SNX24: variants seen among roughly 807,000 people sequenced by gnomAD.
SNX24 encodes the protein sorting nexin 24.
In SNX24, 22 loss-of-function variants were observed where a neutral mutation model predicts 28.7. The ratio of observed to expected loss-of-function variants is 0.77; its 90% CI spans 0.55 to 1.10. SNX24 has a LOEUF of 1.10. Among genes scored for constraint, SNX24 ranks in the 50% least tolerant of loss-of-function variants. The probability of loss-of-function intolerance (pLI) is 0.00; values close to 1 mark genes in which losing one functional copy is unlikely to be tolerated. For synonymous variants in SNX24, 69 were observed against 71.5 expected (o/e 0.96, Z 0.18); for missense variants, 221 against 201.1 (o/e 1.10, Z -0.60).
At chr5:122,878,255 T>C (rs1319734064) in intron 1 of SNX24, among the ~76,000 whole-genome samples, 1 of 152,112 alleles carries the variant, frequency 6.6e-6, no homozygotes, top group Non-Finnish European at 1.5e-5. Flanking sequence ...GGTGCTCAGC[T>C]CAATGGAGGC....
At chr5:122,937,109 A>C (rs979809882) in intron 2 of SNX24, among the ~76,000 whole-genome samples, 1 of 152,168 alleles carries the variant, frequency 6.6e-6, no homozygotes, top group Non-Finnish European at 1.5e-5. Context: ...TAAAACCCAG[A>C]CTCTGTTTTA....
chr5:122,927,571 A>G (rs900804534), intron 1 of SNX24, among the ~76,000 whole-genome samples: 14 of 152,184 alleles, frequency 9.2e-5, no homozygotes, highest in Admixed American at 4.6e-4. Flanking sequence ...TCTAGAAGGT[A>G]TAGTGTAAGA....
chr5:122,901,592 G>C (rs765732141), intron 1 of SNX24, among the ~76,000 whole-genome samples: 2 of 152,184 alleles, frequency 1.3e-5, no homozygotes, highest in Non-Finnish European at 2.9e-5. Flanking sequence ...TGCTCCCTTT[G>C]TTCCATATGC....
intron 3 of SNX24, among the ~76,000 whole-genome samples, chr5:122,959,832 G>A (rs1419143306): frequency 2.0e-5 from 3 of 152,040 alleles, no homozygotes; most frequent in Non-Finnish European, 2.9e-5. Context: ...TAGGAGCAGA[G>A]GTTTTGATAG....
At chr5:122,868,547 A>G (rs1177750529) in intron 1 of SNX24, among the ~76,000 whole-genome samples, 1 of 152,188 alleles carries the variant, frequency 6.6e-6, no homozygotes, top group Non-Finnish European at 1.5e-5. Flanking sequence ...CGTATCTGCC[A>G]CGGATACTTC....
rs371657794 is a variant in SNX24, at chr5:122,956,213, T to A, written c.249+10054T>A. ...CAGCTATAATAGAATGCCACAGACGTTCTATTATATGTGGTGCCAGCCGCT... is the reference window on the plus strand; with the variant it reads ...CAGCTATAATAGAATGCCACAGACGATCTATTATATGTGGTGCCAGCCGCT... On this transcript the variant is annotated intron_variant, in intron 3 of 6. Coordinates refer to ENST00000261369, the MANE Select transcript of SNX24 (RefSeq NM_014035.4). Among the ~76,000 whole-genome samples the A allele has an allele frequency of 3.9e-5, 6 of 152,192 alleles. No individual in the cohort carries two copies. The East Asian group carries it at 9.6e-4, about 24-fold the overall frequency.
chr5:123,006,867 G>A (rs998258380), intron 6 of SNX24, among the ~76,000 whole-genome samples: 2 of 152,138 alleles, frequency 1.3e-5, no homozygotes, highest in African/African-American at 2.4e-5. Flanking sequence ...GAGGCTAGAT[G>A]CATATTTTTT....
intron 1 of SNX24, among the ~76,000 whole-genome samples, chr5:122,933,648 T>C (rs995374804): frequency 3.9e-5 from 6 of 152,188 alleles, no homozygotes; most frequent in African/African-American, 1.4e-4. Context: ...CAGTTTCAAG[T>C]GGGAGGCTAC....
At chr5:122,982,737 C>T (rs371604) in intron 3 of SNX24, among the ~76,000 whole-genome samples, 33,910 of 152,050 alleles carry the variant, frequency 0.22, 4,822 homozygotes, top group Non-Finnish European at 0.33. Context: ...GTTTGCTTTG[C>T]TTTGTAGGTG....
chr5:122,890,512 C>A (rs1293650334), intron 1 of SNX24, among the ~76,000 whole-genome samples: 3 of 150,290 alleles, frequency 2.0e-5, no homozygotes, highest in Non-Finnish European at 4.4e-5. Flanking sequence ...CTCTGTGGCC[C>A]AGGCTGGAAT....
intron 3 of SNX24, chr5:122,965,340 C>A: frequency 2.5e-6 from 1 of 405,786 alleles, no homozygotes; most frequent in Non-Finnish European, 5.1e-6. Flanking sequence ...CTAATTGCTG[C>A]CGACTGGCTG....
At position 122,940,703 on chromosome 5, in the gene SNX24, C is replaced by CT. The variant is rs1205999786; in HGVS notation, c.144+3887dup. 2.6e-5 allele frequency among the ~76,000 whole-genome samples: 4 copies of CT among 152,262 alleles called. No homozygotes were observed. In the East Asian group the frequency reaches 7.7e-4, roughly 29 times the overall value. On this transcript the variant is annotated intron_variant, in intron 2 of 6. Coordinates refer to ENST00000261369, the MANE Select transcript of SNX24 (RefSeq NM_014035.4). Reference sequence around the variant, plus strand: ...TCTTCTTCCCCAGCCTCCCGAGTAGCTAAGATTACAGGCATGTACCACCAT... The same window carrying CT: ...TCTTCTTCCCCAGCCTCCCGAGTAGCTTAAGATTACAGGCATGTACCACCAT...
intron 5 of SNX24, among the ~76,000 whole-genome samples, chr5:123,014,293 A>G (rs1038018133): frequency 4.0e-5 from 6 of 149,490 alleles, no homozygotes; most frequent in African/African-American, 1.5e-4. Flanking sequence ...CAGCGTACCA[A>G]GTAGCTGGGA....
chr5:122,939,121 A>G (rs1759325792), intron 2 of SNX24, among the ~76,000 whole-genome samples: 1 of 152,182 alleles, frequency 6.6e-6, no homozygotes, highest in Non-Finnish European at 1.5e-5. Context: ...CACATCAACA[A>G]CCTTACCCTT....
chr5:122,961,456 A>C (rs7725077), intron 3 of SNX24, among the ~76,000 whole-genome samples: 3,719 of 152,318 alleles, frequency 0.024, 140 homozygotes, highest in African/African-American at 0.071. Flanking sequence ...TCCTGCTTAT[A>C]ACATGAGACA....
chr5:122,921,376 A>G (rs545537076), intron 1 of SNX24, among the ~76,000 whole-genome samples: 3 of 152,192 alleles, frequency 2.0e-5, no homozygotes, highest in Non-Finnish European at 2.9e-5. Flanking sequence ...TGGAAAATAA[A>G]GGCACTAATC....
At chr5:122,938,322 C>G (rs1759271345) in intron 2 of SNX24, among the ~76,000 whole-genome samples, 1 of 152,148 alleles carries the variant, frequency 6.6e-6, no homozygotes, top group Non-Finnish European at 1.5e-5. Flanking sequence ...AAAAAAAATC[C>G]TAGATTTTCC....
At chr5:122,974,843 C>G (rs1761104019) in intron 3 of SNX24, among the ~76,000 whole-genome samples, 1 of 152,200 alleles carries the variant, frequency 6.6e-6, no homozygotes, top group Non-Finnish European at 1.5e-5. Flanking sequence ...TTCGGCCTTC[C>G]CACCATAATT....
At chr5:122,969,202 C>T (rs1760845380) in intron 3 of SNX24, among the ~76,000 whole-genome samples, 1 of 152,034 alleles carries the variant, frequency 6.6e-6, no homozygotes, top group Non-Finnish European at 1.5e-5. Context: ...TTTCAAAAAT[C>T]TGTGTTTTAA....
Sources: gnomAD v4.1 joint callset for allele counts (sites outside exome capture counted in the v4.1 genomes callset) on GRCh38, gnomAD v4.1.1 for gene constraint, MANE v1.5 for transcripts, NCBI Gene and HGNC (gene_info 2026-07-23, HGNC 2026-07-21) for gene names.